The following USP5 variants were observed in gnomAD, a reference collection of about 807,000 sequenced individuals.
USP5 encodes the protein ubiquitin carboxyl-terminal hydrolase 5.
USP5 carries 24 observed loss-of-function variants against 102.5 expected under a neutral mutation model. That is an observed-to-expected ratio of 0.23 (90% CI 0.17 to 0.33). The LOEUF is 0.33. Ranked by LOEUF, USP5 falls within the 10% of genes least tolerant of loss-of-function variation. The pLI, the probability that USP5 is intolerant of heterozygous loss-of-function variation, is 1.00. For synonymous variants in USP5, 460 were observed against 434.8 expected, an observed-to-expected ratio of 1.06 and a Z score of -0.72; for missense variants, 753 against 1,122.1, an observed-to-expected ratio of 0.67 and a Z score of 4.70.
rs1944233997 is a variant in USP5 at position 6,860,087 on chromosome 12, G to A, written c.1131-64G>A. On this transcript the variant is annotated intron_variant, in intron 9 of 19. Coordinates refer to ENST00000229268, the MANE Select transcript of USP5 (RefSeq NM_001098536.2). This position sits in a 1 kb window ranked among gnomAD's most constrained non-coding sequence, Gnocchi z 5.5. ...TAGGGAGAGCCACGAGCAGGGGGTT[G>A]AGCTGGGGACACACAGGGTCGTTAG... is the stretch of plus-strand genomic sequence containing the variant. 3.2e-6 allele frequency: 5 copies of A among 1,571,720 alleles called. No individual in the cohort carries two copies. The East Asian group carries it at 1.1e-4, about 35-fold the overall frequency.
At position 6,858,774 on chromosome 12, in the gene USP5, T is replaced by C; in HGVS notation, c.1058+157T>C. ...TGGCCCACACCCGTAATCCCAGTAC[T>C]TCGGGAGGCCAAGATGGGAGAATTG... On this transcript the variant is annotated intron_variant, in intron 8 of 19. Transcript: ENST00000229268. This position sits in a 1 kb window ranked among gnomAD's most constrained non-coding sequence, Gnocchi z 4.2. 1.6e-6 allele frequency: 1 copy of C among 637,090 alleles called. No individual in the cohort carries two copies. The highest frequency in any genetic ancestry group is 2.5e-6 in the Non-Finnish European group (1 of 394,606). The allele number at this position is 637,090 out of a possible 1,614,324, so 39.5% of individuals were successfully genotyped here.
chr12:6,860,612 C>A lies in USP5; in HGVS notation c.1344+121C>A. On this transcript the variant is annotated intron_variant, in intron 11 of 19. Transcript: ENST00000229268. This position sits in a 1 kb window ranked among gnomAD's most constrained non-coding sequence, Gnocchi z 5.5. ...ATCCCTGAACCCCAACAGTCTGTGT[C>A]CCTGTGAACAGTGCTTGCACCTGAG... The A allele has an allele frequency of 1.3e-6, 2 of 1,510,252 alleles. No homozygotes were observed. Among genetic ancestry groups the A allele is most frequent in the Non-Finnish European group, 9.0e-7 (1 of 1,117,168 alleles). 93.6% of individuals were successfully genotyped at this position (1,510,252 alleles called of 1,614,324 possible).
Position 6,856,120 on chromosome 12 carries a change from G to T in USP5, c.408G>T (p.Leu136=), listed in dbSNP as rs1555128184. Residue 136 remains leucine (L), a synonymous_variant, in exon 4 of 20, where the codon CTG becomes CTT. Transcript: ENST00000229268. The surrounding 1 kb of genome is among the most constrained non-coding windows in gnomAD (Gnocchi z 5.6). ...ACCTGGAGATTGCCCGGGATGGACT[G>T]GGGGGACTGCCTGACATTGTCAGAG... ...PDYLEIARDG[L]GGLPDIVRDR... The T allele has an allele frequency of 1.2e-6, 2 of 1,614,038 alleles. No individual in the cohort carries two copies. The highest frequency in any genetic ancestry group is 1.7e-5 in the Admixed American group (1 of 60,006).
rs1397415669 is a variant in USP5 at position 6,863,634 on chromosome 12, C to T, written c.1955-196C>T. On this transcript the variant is annotated intron_variant, in intron 15 of 19. Coordinates refer to ENST00000229268, the MANE Select transcript of USP5 (RefSeq NM_001098536.2). This position sits in a 1 kb window ranked among gnomAD's most constrained non-coding sequence, Gnocchi z 4.7. ...GGGTGGGGGTATCATGCTCCAGAAA[C>T]AGGGCCCATTCTGTGAGAATGGGCA... Among the ~76,000 whole-genome samples the T allele has an allele frequency of 6.6e-6, 1 of 152,150 alleles. No individual in the cohort carries two copies. Among genetic ancestry groups the T allele is most frequent in the African/African-American group, 2.4e-5 (1 of 41,438 alleles).
intron 1 of USP5, among the ~76,000 whole-genome samples, chr12:6,854,917 G>C (rs759750824): frequency 1.3e-5 from 2 of 152,104 alleles, no homozygotes; most frequent in African/African-American, 2.4e-5. Flanking sequence ...CCCCTGGTTT[G>C]GGTTCAGTGT....
chr12:6,857,632 T>A lies in USP5; in HGVS notation c.773T>A (p.Val258Glu). 6.2e-7 allele frequency: 1 copy of A among 1,613,544 alleles called. No homozygotes were observed. Among genetic ancestry groups the A allele is most frequent in the South Asian group, 1.1e-5 (1 of 91,042 alleles). ...LGTITPDGADVYSYDEDDMVL... is the reference protein window; with the variant it reads ...LGTITPDGADEYSYDEDDMVL... ...CTCTTCCTGCCTCCTGCTCTAGACG[T>A]GTACTCATATGATGAGGATGACATG... The change falls in exon 7 of 20, where the codon GTG becomes GAG. Residue 258 changes from valine (V) to glutamate (E), a missense_variant. Physicochemically the swap from Val to Glu is moderately radical, Grantham distance 121. Around this residue, in one of 3 missense-constraint regions of USP5, gnomAD observed 527 missense variants for 816.5 expected, o/e 0.65. Transcript: ENST00000229268.
chr12:6,853,692 T>C (rs975651124), intron 1 of USP5, among the ~76,000 whole-genome samples: 1 of 152,240 alleles, frequency 6.6e-6, no homozygotes, highest in Non-Finnish European at 1.5e-5. Context: ...TCTGAAACTT[T>C]CCCTTTTTCA....
At position 6,855,418 on chromosome 12, in the gene USP5, C is replaced by T. The variant is rs1591604754; in HGVS notation, c.129C>T (p.Leu43=). ...TCCCACAGGAGTCTGAGGGGGGCCT[C>T]TACATCTGTATGAACACGTTTCTGG... ...SFDTPESEGG[L]YICMNTFLGF... Residue 43 remains leucine (L), a synonymous_variant, in exon 2 of 20, where the codon CTC becomes CTT. Transcript: ENST00000229268. This position sits in a 1 kb window ranked among gnomAD's most constrained non-coding sequence, Gnocchi z 4.6. The T allele has an allele frequency of 6.2e-7, 1 of 1,614,204 alleles. No individual in the cohort carries two copies. The highest frequency in any genetic ancestry group is 2.2e-5 in the East Asian group (1 of 44,884).
In USP5 at chr12:6,852,153, G is replaced by A. The variant is rs1943924901; in HGVS notation, c.-27G>A. 6.3e-7 allele frequency: 1 copy of A among 1,596,284 alleles called. No homozygotes were observed. The highest frequency in any genetic ancestry group is 1.1e-5 in the South Asian group (1 of 88,156). On this transcript the variant is annotated 5_prime_UTR_variant, in exon 1 of 20. In the 5' UTR this introduces an upstream ATG that the reference lacks. Transcript: ENST00000229268. ...GGGACTGGGAACGGTGGGAGCCGCC[G>A]TGTGTGGAGAAGCTGCTGCCGGTGT...
rs781935177 is a variant in USP5, at chr12:6,858,381, G to T, written c.865-43G>T. On this transcript the variant is annotated intron_variant, in intron 7 of 19. Coordinates refer to ENST00000229268, the MANE Select transcript of USP5 (RefSeq NM_001098536.2). This position sits in a 1 kb window ranked among gnomAD's most constrained non-coding sequence, Gnocchi z 4.2. Reference sequence around the variant, plus strand: ...TGAGAGATCGAGGTAAAAACTACAGGGTTGAGTTTCTCACTCAGTCTGAAG... The same window carrying T: ...TGAGAGATCGAGGTAAAAACTACAGTGTTGAGTTTCTCACTCAGTCTGAAG... The T allele has an allele frequency of 8.2e-6, 13 of 1,577,660 alleles. No homozygotes were observed. The highest frequency in any genetic ancestry group is 1.1e-5 in the Non-Finnish European group (13 of 1,150,346).
At position 6,861,514 on chromosome 12, in the gene USP5, C is replaced by T. The variant is rs1413496428; in HGVS notation, c.1570C>T (p.Arg524Trp). Residue 524 changes from arginine (R) to tryptophan (W), a missense_variant, in exon 13 of 20, where the codon CGG (arginine) becomes TGG (tryptophan). Around this residue, in one of 3 missense-constraint regions of USP5, gnomAD observed 527 missense variants for 816.5 expected, o/e 0.65. Coordinates refer to ENST00000229268, the MANE Select transcript of USP5 (RefSeq NM_001098536.2). The surrounding 1 kb of genome is among the most constrained non-coding windows in gnomAD (Gnocchi z 4.9). ...GAAGATGGCACTGCCAGAACTGGTTCGGGCCCAGGTGCCCTTCAGCTCTTG... is the reference window on the plus strand; with the variant it reads ...GAAGATGGCACTGCCAGAACTGGTTTGGGCCCAGGTGCCCTTCAGCTCTTG... ...EEKMALPELV[R>W]AQVPFSSCLE... is the part of the protein sequence containing the mutation. 5.0e-6 allele frequency: 8 copies of T among 1,601,904 alleles called. No homozygotes were observed. Among genetic ancestry groups the T allele is most frequent in the African/African-American group, 1.3e-5 (1 of 74,736 alleles).
chr12:6,853,788 GT>G (rs1944023509), intron 1 of USP5, among the ~76,000 whole-genome samples: 1 of 152,140 alleles, frequency 6.6e-6, no homozygotes, highest in Non-Finnish European at 1.5e-5. Flanking sequence ...TGGGCTCATG[GT>G]AGAAAGAGCT....
chr12:6,853,777 T>C (rs1944022038), intron 1 of USP5, among the ~76,000 whole-genome samples: 1 of 152,202 alleles, frequency 6.6e-6, no homozygotes, highest in East Asian at 1.9e-4. Flanking sequence ...TACCTTCAAA[T>C]TGGGCTCATG....
chr12:6,857,749 C>A (rs1944161102), intron 7 of USP5, 26 bp downstream of exon 7: 7 of 1,611,544 alleles, frequency 4.3e-6, no homozygotes, highest in Non-Finnish European at 3.4e-6. Context: ...ACTTCAGATT[C>A]TTCTACTTCC....
rs1944381421 is a variant in USP5, at chr12:6,864,690, AG to A, written c.2245-31del. 1.3e-6 allele frequency: 2 copies of A among 1,589,662 alleles called. No individual in the cohort carries two copies. The highest frequency in any genetic ancestry group is 1.7e-6 in the Non-Finnish European group (2 of 1,171,436). On this transcript the variant is annotated intron_variant, in intron 17 of 19. Transcript: ENST00000229268. This position sits in a 1 kb window ranked among gnomAD's most constrained non-coding sequence, Gnocchi z 4.8. ...GGCGACAGAGCAAGACTCCGTCTCA[AG>A]AAAAAAAGTAATGCTTCCTTCCTCT... is the stretch of plus-strand genomic sequence containing the variant.
Position 6,860,011 on chromosome 12 carries a change from T to C in USP5, c.1131-140T>C. 1 of 900,720 alleles carries C rather than the reference T, an allele frequency of 1.1e-6. No homozygotes were observed. The highest frequency in any genetic ancestry group is 1.7e-6 in the Non-Finnish European group (1 of 582,974). The allele number at this position is 900,720 out of a possible 1,614,324, so 55.8% of individuals were successfully genotyped here. On this transcript the variant is annotated intron_variant, in intron 9 of 19. Transcript: ENST00000229268. This position sits in a 1 kb window ranked among gnomAD's most constrained non-coding sequence, Gnocchi z 5.5. ...TGTCTTCTGGACGTGTTGTCTGTCT[T>C]GAGCTGGGTTCCTGTAGAATCTAAG...
At chr12:6,853,626 C>T (rs1944015086) in intron 1 of USP5, among the ~76,000 whole-genome samples, 1 of 152,242 alleles carries the variant, frequency 6.6e-6, no homozygotes, top group Admixed American at 6.5e-5. Flanking sequence ...TTTATTCACT[C>T]CTGTCTCTCT....
At position 6,860,906 on chromosome 12, in the gene USP5, C is replaced by T; in HGVS notation, c.1345-47C>T. 6.2e-7 allele frequency: 1 copy of T among 1,609,558 alleles called. No homozygotes were observed. The highest frequency in any genetic ancestry group is 8.5e-7 in the Non-Finnish European group (1 of 1,177,304). Reference sequence around the variant, plus strand: ...TCCCATGAACCTTTCAGGCCCCATTCTGTTCCCTGGCTGCCCAGACCTCCC... The same window carrying T: ...TCCCATGAACCTTTCAGGCCCCATTTTGTTCCCTGGCTGCCCAGACCTCCC... On this transcript the variant is annotated intron_variant, in intron 11 of 19. Transcript: ENST00000229268. This position sits in a 1 kb window ranked among gnomAD's most constrained non-coding sequence, Gnocchi z 5.5.
intron 8 of USP5, among the ~76,000 whole-genome samples, chr12:6,859,229 T>A (rs1944204051): frequency 1.3e-5 from 2 of 152,238 alleles, no homozygotes; most frequent in South Asian, 2.1e-4. Flanking sequence ...GCACTTATCC[T>A]AATCCCAGGC....
Sources: allele counts gnomAD v4.1 joint callset (sites outside exome capture counted in the v4.1 genomes callset), GRCh38; gene constraint gnomAD v4.1.1; regional missense constraint gnomAD v4.1.1; non-coding constraint Gnocchi (gnomAD v3.1); transcripts MANE v1.5; gene names NCBI Gene and HGNC (gene_info 2026-07-23, HGNC 2026-07-21).